The following DHRSX variants were observed in gnomAD, a reference collection of about 807,000 sequenced individuals.
The protein encoded by DHRSX is polyprenol dehydrogenase.
Under a neutral mutation model 34.0 loss-of-function variants are expected in DHRSX, and 31 were observed. The ratio of observed to expected loss-of-function variants is 0.91; its 90% CI spans 0.69 to 1.23. The LOEUF is 1.23. DHRSX is among the 50% of genes most tolerant of loss of function. The pLI is 0.00. For missense variants in DHRSX, 414 were observed against 428.1 expected (o/e 0.97, Z 0.29); for synonymous variants, 201 against 183.8 (o/e 1.09, Z -0.76).
At chrX:2,476,585 T>C (rs755214328) in intron 1 of DHRSX, among the ~76,000 whole-genome samples, 29 of 152,254 alleles carry the variant, frequency 1.9e-4, no homozygotes, top group Non-Finnish European at 2.9e-4. Flanking sequence ...GCAAACACCA[T>C]TCCAATAGAA....
intron 1 of DHRSX, chrX:2,490,859 C>A: frequency 8.0e-7 from 1 of 1,252,434 alleles, no homozygotes. Context: ...GGTGCCGGGG[C>A]AGCTCCGCTT....
chrX:2,385,382 A>C (rs2043260172), intron 3 of DHRSX, among the ~76,000 whole-genome samples: 2 of 152,160 alleles, frequency 1.3e-5, no homozygotes. Flanking sequence ...AGAACCACCA[A>C]GAATGGAAAG....
At chrX:2,377,150 C>A (rs1306907911) in intron 3 of DHRSX, among the ~76,000 whole-genome samples, 2 of 152,028 alleles carry the variant, frequency 1.3e-5, no homozygotes, top group Non-Finnish European at 2.9e-5. Flanking sequence ...CACACACACA[C>A]AAAAACTGTC....
At chrX:2,460,928 A>T (rs979621323) in intron 1 of DHRSX, among the ~76,000 whole-genome samples, 3 of 151,986 alleles carry the variant, frequency 2.0e-5, no homozygotes, top group Admixed American at 2.0e-4. Flanking sequence ...CTGTTTGCCC[A>T]GGCTGATCTC....
At chrX:2,265,943 C>A (rs865973760) in intron 5 of DHRSX, among the ~76,000 whole-genome samples, 127 of 123,198 alleles carry the variant, frequency 1.0e-3, no homozygotes, top group African/African-American at 3.8e-3. Flanking sequence ...GGAGCACTGT[C>A]CCCAGAGCAC....
chrX:2,452,742 C>T (rs192311699), intron 1 of DHRSX, among the ~76,000 whole-genome samples: 8 of 152,198 alleles, frequency 5.3e-5, no homozygotes, highest in African/African-American at 1.9e-4. Context: ...GGCCAAGGGA[C>T]GGCCGTCATG....
intron 3 of DHRSX, among the ~76,000 whole-genome samples, chrX:2,319,903 A>C (rs1198939898): frequency 2.0e-5 from 3 of 151,940 alleles, no homozygotes; most frequent in African/African-American, 7.2e-5. Context: ...ATCTCAGCTC[A>C]CTGCAATCTC....
intron 4 of DHRSX, among the ~76,000 whole-genome samples, chrX:2,273,926 C>A (rs1331625335): frequency 1.3e-5 from 2 of 152,222 alleles, no homozygotes. Flanking sequence ...GGGGAAGCTG[C>A]GTGAGAATTC....
chrX:2,242,927 G>T, intron 6 of DHRSX, 96 bp downstream of exon 6: 1 of 1,222,958 alleles, frequency 8.2e-7, no homozygotes, highest in Non-Finnish European at 1.2e-6. Context: ...TCTTGCACGA[G>T]ATCCAAGAAC....
intron 1 of DHRSX, among the ~76,000 whole-genome samples, chrX:2,469,219 C>T (rs934789192): frequency 3.3e-5 from 5 of 150,280 alleles, no homozygotes; most frequent in Non-Finnish European, 5.9e-5. Context: ...GTTCCCTAGG[C>T]ATGTGGCCAA....
intron 4 of DHRSX, among the ~76,000 whole-genome samples, chrX:2,276,063 C>T (rs775943340): frequency 8.7e-4 from 133 of 152,230 alleles, no homozygotes; most frequent in Middle Eastern, 6.8e-3. Flanking sequence ...AGGATGGTCT[C>T]GAACTCCTGA....
chrX:2,490,557 C>T (rs760904356), intron 1 of DHRSX: 1 of 1,613,934 alleles, frequency 6.2e-7, no homozygotes. Flanking sequence ...CCGGAGTAGG[C>T]GATCTGGGCC....
At chrX:2,491,478 A>G (rs2045144095) in intron 1 of DHRSX, among the ~76,000 whole-genome samples, 2 of 152,194 alleles carry the variant, frequency 1.3e-5, no homozygotes, top group Non-Finnish European at 2.9e-5. Flanking sequence ...TGAAGCCTAC[A>G]TAGAAGAATC....
chrX:2,254,984 G>A (rs938567015), intron 5 of DHRSX, among the ~76,000 whole-genome samples: 2 of 139,524 alleles, frequency 1.4e-5, no homozygotes, highest in African/African-American at 2.8e-5. Flanking sequence ...TTTTGAGAGG[G>A]AGTCTTGCTC....
chrX:2,452,616 C>T (rs1478398124), intron 1 of DHRSX, among the ~76,000 whole-genome samples: 3 of 151,740 alleles, frequency 2.0e-5, no homozygotes, highest in East Asian at 1.9e-4. Flanking sequence ...GCACTGATGA[C>T]GTTCCCTACG....
chrX:2,358,497 A>T (rs2042885964), intron 3 of DHRSX, among the ~76,000 whole-genome samples: 1 of 152,074 alleles, frequency 6.6e-6, no homozygotes, highest in Admixed American at 6.6e-5. Context: ...GGAGATCAAG[A>T]CCATCCTGGC....
At position 2,420,266 on chromosome X, in the gene DHRSX, G is replaced by T. The variant is rs1341246429; in HGVS notation, c.217+4931C>A. ...TACTAAAAATACAAAAAATTAGCTT[G>T]GTGTGCTGGCACGCGCCTGTAATCC... On this transcript the variant is annotated intron_variant, in intron 2 of 6. Coordinates refer to ENST00000334651, the MANE Select transcript of DHRSX (RefSeq NM_145177.3). Among the ~76,000 whole-genome samples the T allele has an allele frequency of 2.6e-5, 4 of 152,046 alleles. No homozygotes were observed. In the East Asian group the frequency reaches 7.7e-4, roughly 29 times the overall value.
At chrX:2,485,353 G>A (rs1305857490) in intron 1 of DHRSX, among the ~76,000 whole-genome samples, 2 of 151,840 alleles carry the variant, frequency 1.3e-5, no homozygotes, top group African/African-American at 4.8e-5. Context: ...AGAAATTTCG[G>A]CATTTTAATG....
At chrX:2,320,647 G>A (rs186592275) in intron 3 of DHRSX, among the ~76,000 whole-genome samples, 12 of 147,160 alleles carry the variant, frequency 8.2e-5, no homozygotes, top group African/African-American at 2.5e-4. Flanking sequence ...ATTCGGAAGA[G>A]TTTTCCTAGA....
Sources: allele counts gnomAD v4.1 joint callset (sites outside exome capture counted in the v4.1 genomes callset), GRCh38; gene constraint gnomAD v4.1.1; transcripts MANE v1.5; gene names NCBI Gene and HGNC (gene_info 2026-07-23, HGNC 2026-07-21).